PLEKHA5: variants seen among roughly 807,000 people sequenced by gnomAD.
PLEKHA5 encodes the protein pleckstrin homology domain containing A5, also known as pleckstrin homology domain-containing family A member 5.
PLEKHA5 carries 55 observed loss-of-function variants against 181.9 expected under a neutral mutation model. The observed-to-expected ratio is 0.30, with a 90% CI of 0.24 to 0.38. The LOEUF is 0.38. Among genes scored for constraint, PLEKHA5 ranks in the 10% least tolerant of loss-of-function variants. The pLI is 1.00. For synonymous variants in PLEKHA5, 535 were observed against 529.4 expected (o/e 1.01, Z -0.15); for missense variants, 1,432 against 1,549.5 (o/e 0.92, Z 1.27).
chr12:19,346,130 G>A (rs1242130301), intron 23 of PLEKHA5, among the ~76,000 whole-genome samples: 1 of 151,878 alleles, frequency 6.6e-6, no homozygotes, highest in Non-Finnish European at 1.5e-5. Flanking sequence ...TTTTAACGTT[G>A]TCATACTTTT....
At chr12:19,157,887 G>A (rs1370764310) in intron 3 of PLEKHA5, among the ~76,000 whole-genome samples, 2 of 152,132 alleles carry the variant, frequency 1.3e-5, no homozygotes, top group Non-Finnish European at 2.9e-5. Context: ...TTGAAAAAGA[G>A]GCAATGGAAG....
chr12:19,295,769 G>A (rs2152875232), intron 15 of PLEKHA5, among the ~76,000 whole-genome samples: 1 of 152,254 alleles, frequency 6.6e-6, no homozygotes, highest in Middle Eastern at 3.4e-3. Context: ...CACACTGGTT[G>A]TTTTGGCTCC....
intron 3 of PLEKHA5, among the ~76,000 whole-genome samples, chr12:19,225,370 TA>T (rs1208429508): frequency 6.6e-6 from 1 of 152,120 alleles, no homozygotes; most frequent in Non-Finnish European, 1.5e-5. Flanking sequence ...CATCTGAGGG[TA>T]GGATTTTAAT....
In PLEKHA5 at chr12:19,231,669, TCAA is replaced by T. The variant is rs539425522; in HGVS notation, c.228-22269_228-22267del. Among the ~76,000 whole-genome samples the T allele has an allele frequency of 1.7e-3, 260 of 150,590 alleles. 2 individuals are homozygous for T. The highest frequency in any genetic ancestry group is 5.9e-3 in the African/African-American group (243 of 41,284). ...CATCATATTTATGATTTCATATTCA[TCAA>T]CGTGTTCTTGAATCAGAATTTATCA... On this transcript the variant is annotated intron_variant, in intron 3 of 31. Transcript: ENST00000429027.
chr12:19,176,841 T>C (rs2047384467), intron 3 of PLEKHA5, among the ~76,000 whole-genome samples: 1 of 152,122 alleles, frequency 6.6e-6, no homozygotes, highest in Non-Finnish European at 1.5e-5. Context: ...ATCAATCTCA[T>C]TAGCATATGC....
At chr12:19,317,715 A>T (rs962005812) in intron 16 of PLEKHA5, among the ~76,000 whole-genome samples, 2 of 152,200 alleles carry the variant, frequency 1.3e-5, no homozygotes, top group East Asian at 3.9e-4. Context: ...TTTATAAAAA[A>T]AAAAAGTATC....
chr12:19,330,803 A>C (rs2092766180), intron 20 of PLEKHA5, among the ~76,000 whole-genome samples: 1 of 152,150 alleles, frequency 6.6e-6, no homozygotes, highest in African/African-American at 2.4e-5. Context: ...TGATCCTCGA[A>C]ATATACCAGT....
At chr12:19,178,608 C>T (rs1284805389) in intron 3 of PLEKHA5, among the ~76,000 whole-genome samples, 1 of 152,178 alleles carries the variant, frequency 6.6e-6, no homozygotes. Flanking sequence ...TGAGAACCTG[C>T]TTACCTCTTT....
intron 3 of PLEKHA5, among the ~76,000 whole-genome samples, chr12:19,191,018 T>G (rs2050989698): frequency 6.6e-6 from 1 of 152,232 alleles, no homozygotes. Flanking sequence ...TGGTATTTTA[T>G]GTCATTTATT....
chr12:19,219,739 G>A (rs73347005), intron 3 of PLEKHA5, among the ~76,000 whole-genome samples: 1 of 151,792 alleles, frequency 6.6e-6, no homozygotes, highest in Non-Finnish European at 1.5e-5. Context: ...GTTATTCTCT[G>A]TACCTAATGT....
chr12:19,186,289 T>C (rs558428872), intron 3 of PLEKHA5, among the ~76,000 whole-genome samples: 1 of 152,244 alleles, frequency 6.6e-6, no homozygotes, highest in South Asian at 2.1e-4. Context: ...AACAGAGCAG[T>C]TGGGAAGTAC....
In PLEKHA5 at chr12:19,321,054, C is replaced by G. The variant is rs535061140; in HGVS notation, c.2217+430C>G. Among the ~76,000 whole-genome samples, 18 of 151,956 alleles carry G rather than the reference C, an allele frequency of 1.2e-4. No homozygotes were observed. In the South Asian group the frequency reaches 3.7e-3, roughly 32 times the overall value. Reference sequence around the variant, plus strand: ...TGGTGGTACACGCTTGTAATCCCAGCTACTCGGGAGTCTGAGGCCTGAGAA... The same window carrying G: ...TGGTGGTACACGCTTGTAATCCCAGGTACTCGGGAGTCTGAGGCCTGAGAA... On this transcript the variant is annotated intron_variant, in intron 18 of 31. Transcript: ENST00000429027.
chr12:19,151,763 G>T (rs927300258), intron 3 of PLEKHA5: 2 of 151,182 alleles, frequency 1.3e-5, no homozygotes, highest in African/African-American at 4.9e-5. Flanking sequence ...TAATACTGTT[G>T]TCAAGTGTAA....
At chr12:19,202,056 TA>T (rs769739877) in intron 3 of PLEKHA5, 4 of 910,430 alleles carry the variant, frequency 4.4e-6, no homozygotes, top group Non-Finnish European at 5.3e-6. Flanking sequence ...CCTTCACAGT[TA>T]CTCCCCACTC....
chr12:19,254,205 G>A (rs533406568), intron 4 of PLEKHA5, among the ~76,000 whole-genome samples, 182 bp downstream of exon 4: 1 of 152,118 alleles, frequency 6.6e-6, no homozygotes, highest in East Asian at 1.9e-4. Context: ...TTTTCATGAA[G>A]AATGTAATTT....
intron 3 of PLEKHA5, among the ~76,000 whole-genome samples, chr12:19,240,440 G>GA (rs1862373939): frequency 7.7e-6 from 1 of 129,054 alleles, no homozygotes; most frequent in Non-Finnish European, 1.7e-5. Flanking sequence ...TCATTAGGGA[G>GA]TTTTTTTTTT....
intron 15 of PLEKHA5, among the ~76,000 whole-genome samples, chr12:19,313,262 C>CT (rs1224151668): frequency 6.6e-6 from 1 of 152,094 alleles, no homozygotes; most frequent in East Asian, 1.9e-4. Context: ...GTAGTCCTAG[C>CT]TATGCGAGAG....
At chr12:19,278,078 T>C (rs2075090121) in intron 11 of PLEKHA5, among the ~76,000 whole-genome samples, 1 of 152,210 alleles carries the variant, frequency 6.6e-6, no homozygotes, top group East Asian at 1.9e-4. Context: ...AAGGGAATTG[T>C]AGTTTTGAAA....
At chr12:19,253,206 C>G (rs1050788824) in intron 3 of PLEKHA5, among the ~76,000 whole-genome samples, 4 of 150,444 alleles carry the variant, frequency 2.7e-5, no homozygotes, top group Non-Finnish European at 5.9e-5. Flanking sequence ...TCCCGAGTAG[C>G]TGGGATTACA....
Sources: allele counts gnomAD v4.1 joint callset (sites outside exome capture counted in the v4.1 genomes callset), GRCh38; gene constraint gnomAD v4.1.1; transcripts MANE v1.5; gene names NCBI Gene and HGNC (gene_info 2026-07-23, HGNC 2026-07-21).